Variants in LRRTM4 observed in about 807,000 individuals in gnomAD.
LRRTM4 encodes the protein leucine rich repeat transmembrane neuronal 4.
A neutral mutation model predicts 47.6 loss-of-function variants in LRRTM4; 25 were observed. That is an observed-to-expected ratio of 0.53 (90% CI 0.38 to 0.73). LRRTM4 has a LOEUF of 0.73. Among genes scored for constraint, LRRTM4 ranks in the 30% least tolerant of loss-of-function variants. The pLI, the probability that LRRTM4 is intolerant of heterozygous loss-of-function variation, is 0.00. For synonymous variants in LRRTM4, 311 were observed against 269.5 expected, an observed-to-expected ratio of 1.15 and a Z score of -1.51; for missense variants, 638 against 713.4, an observed-to-expected ratio of 0.89 and a Z score of 1.20.
intron 3 of LRRTM4, among the ~76,000 whole-genome samples, chr2:77,497,938 T>C (rs2104066441): frequency 6.6e-6 from 1 of 151,810 alleles, no homozygotes; most frequent in Admixed American, 6.6e-5. Flanking sequence ...TGTGATGTCT[T>C]CATATCATCT....
chr2:77,416,820 G>A (rs1226758449), intron 3 of LRRTM4, among the ~76,000 whole-genome samples: 1 of 151,962 alleles, frequency 6.6e-6, no homozygotes, highest in African/African-American at 2.4e-5. Context: ...AAATAAAGAG[G>A]TCCAGTAAAA....
intron 3 of LRRTM4, among the ~76,000 whole-genome samples, chr2:76,753,618 A>G: frequency 6.6e-6 from 1 of 152,174 alleles, no homozygotes; most frequent in East Asian, 1.9e-4. Flanking sequence ...TTAGTAATTC[A>G]AAAAGAGAAG....
intron 3 of LRRTM4, among the ~76,000 whole-genome samples, chr2:77,195,488 A>G (rs1224182561): frequency 2.6e-5 from 4 of 152,100 alleles, no homozygotes; most frequent in African/African-American, 4.8e-5. Context: ...ACAAAGAACT[A>G]TCTTTGAAAC....
chr2:76,834,331 G>T (rs916918493), intron 3 of LRRTM4, among the ~76,000 whole-genome samples: 4 of 151,734 alleles, frequency 2.6e-5, no homozygotes, highest in African/African-American at 4.8e-5. Flanking sequence ...GATTATAGGC[G>T]TAAGCCACCA....
intron 3 of LRRTM4, among the ~76,000 whole-genome samples, chr2:77,187,945 T>C (rs1165249554): frequency 2.0e-5 from 3 of 152,124 alleles, no homozygotes; most frequent in African/African-American, 7.2e-5. Flanking sequence ...CTGTTACAAA[T>C]ACTATTTTAC....
At chr2:77,309,700 TAGATAG>T (rs1677395289) in intron 3 of LRRTM4, among the ~76,000 whole-genome samples, 2 of 151,106 alleles carry the variant, frequency 1.3e-5, no homozygotes, top group Admixed American at 6.6e-5. Context: ...GATAGATAGA[TAGATAG>T]ATAGATAGAT....
At chr2:76,962,598 C>T (rs1385293615) in intron 3 of LRRTM4, among the ~76,000 whole-genome samples, 2 of 149,684 alleles carry the variant, frequency 1.3e-5, no homozygotes, top group Non-Finnish European at 3.0e-5. Context: ...TTAAAACCCA[C>T]GTATGTATTT....
chr2:77,468,216 T>G (rs1166702466), intron 3 of LRRTM4, among the ~76,000 whole-genome samples: 1 of 152,148 alleles, frequency 6.6e-6, no homozygotes, highest in Non-Finnish European at 1.5e-5. Flanking sequence ...CAAAACCACA[T>G]CAATTATTTA....
chr2:77,450,597 T>C (rs71420998), intron 3 of LRRTM4, among the ~76,000 whole-genome samples: 2 of 152,144 alleles, frequency 1.3e-5, no homozygotes, highest in Non-Finnish European at 2.9e-5. Context: ...ACTACTATTG[T>C]TGCCTCTCTT....
chr2:76,842,877 GT>G (rs1275371974), intron 3 of LRRTM4, among the ~76,000 whole-genome samples: 3 of 152,012 alleles, frequency 2.0e-5, no homozygotes, highest in Non-Finnish European at 4.4e-5. Flanking sequence ...AAGTTATTAG[GT>G]TATATATTGC....
chr2:77,458,150 T>A (rs967018878), intron 3 of LRRTM4, among the ~76,000 whole-genome samples: 2 of 152,146 alleles, frequency 1.3e-5, no homozygotes, highest in Non-Finnish European at 2.9e-5. Flanking sequence ...AGTCAATAAT[T>A]ATTTTTCAGG....
rs59247356 is a variant in LRRTM4, at chr2:77,476,964, A to ATGTGTGTGTGTG, written c.1551+41342_1551+41353dup. ...ATTATGTATAATAAATTTGTAAGAG[A>ATGTGTGTGTGTG]TGTGTGTGTGTGTGTGTGTGTGTGT... On this transcript the variant is annotated intron_variant, in intron 3 of 3. Transcript: ENST00000409884. Among the ~76,000 whole-genome samples, 55 of 143,898 alleles carry ATGTGTGTGTGTG rather than the reference A, an allele frequency of 3.8e-4. No individual in the cohort carries two copies. The East Asian group carries it at 4.1e-3, about 11-fold the overall frequency. The allele number at this position is 143,898 out of a possible 152,430, so 94.4% of individuals were successfully genotyped here. A position where few individuals can be genotyped will look rare whatever the true frequency, so the allele number is the denominator to read the frequency against.
intron 3 of LRRTM4, among the ~76,000 whole-genome samples, chr2:77,005,382 A>G (rs1401661054): frequency 6.6e-6 from 1 of 152,118 alleles, no homozygotes. Context: ...TGACCTTGTA[A>G]TCCACCTGCC....
rs77942791 is a variant in LRRTM4 at position 77,393,167 on chromosome 2, C to T, written c.1551+125151G>A. Among the ~76,000 whole-genome samples, 235 of 151,990 alleles carry T rather than the reference C, an allele frequency of 1.5e-3. 2 individuals are homozygous for T. The East Asian group carries it at 0.037, about 24-fold the overall frequency. On this transcript the variant is annotated intron_variant, in intron 3 of 3. Coordinates refer to ENST00000409884, the MANE Select transcript of LRRTM4 (RefSeq NM_001134745.3). The stretch of plus-strand genomic sequence containing the variant: ...TTATTTAACTAGAAATCTCCTTCTT[C>T]ATTCAACACACTTAAAAGAACTGTC...
intron 3 of LRRTM4, among the ~76,000 whole-genome samples, chr2:76,949,827 G>T (rs1442230817): frequency 2.0e-5 from 3 of 151,886 alleles, no homozygotes; most frequent in Non-Finnish European, 4.4e-5. Context: ...AGAAAACACA[G>T]AAAATGCAAT....
chr2:76,975,403 C>CATAT (rs1553438994), intron 3 of LRRTM4, among the ~76,000 whole-genome samples: 2 of 149,198 alleles, frequency 1.3e-5, no homozygotes, highest in Admixed American at 1.3e-4. Flanking sequence ...TCATAAGAGA[C>CATAT]TTATTTATTT....
chr2:77,051,450 C>T (rs1411810552), intron 3 of LRRTM4, among the ~76,000 whole-genome samples: 2 of 152,110 alleles, frequency 1.3e-5, no homozygotes, highest in African/African-American at 4.8e-5. Flanking sequence ...AAGCGCTCTT[C>T]TCTGGTCCAC....
rs117798817 is a variant in LRRTM4 at position 76,856,441 on chromosome 2, C to T, written c.1552-107525G>A. On this transcript the variant is annotated intron_variant, in intron 3 of 3. Transcript: ENST00000409884. The stretch of plus-strand genomic sequence containing the variant: ...CATATATGTAAATATCAAAACAAAC[C>T]ATGTACTGCTAAGGAATAATTAGCC... 2.2e-3 allele frequency among the ~76,000 whole-genome samples: 339 copies of T among 152,100 alleles called. 3 individuals carry two copies. The East Asian group carries it at 0.03, about 14-fold the overall frequency.
chr2:76,897,074 G>A (rs961236124), intron 3 of LRRTM4, among the ~76,000 whole-genome samples: 1 of 151,942 alleles, frequency 6.6e-6, no homozygotes, highest in African/African-American at 2.4e-5. Flanking sequence ...TTTCAGAAAG[G>A]AGATGATTGT....
Sources: gnomAD v4.1 joint callset for allele counts (sites outside exome capture counted in the v4.1 genomes callset) on GRCh38, gnomAD v4.1.1 for gene constraint, MANE v1.5 for transcripts, NCBI Gene and HGNC (gene_info 2026-07-23, HGNC 2026-07-21) for gene names.